CNOT7: variants seen among roughly 807,000 people sequenced by gnomAD.
The protein encoded by CNOT7 is BTG1-binding factor 1.
In CNOT7, 4 loss-of-function variants were observed where a neutral mutation model predicts 37.1. The ratio of observed to expected loss-of-function variants is 0.11; its 90% CI spans 0.05 to 0.25. The LOEUF (loss-of-function observed/expected upper bound fraction) is 0.25, where lower values mean the gene tolerates loss of function less well. Ranked by LOEUF, CNOT7 falls within the 10% of genes least tolerant of loss-of-function variation. CNOT7 has a pLI of 1.00. For missense variants in CNOT7, 170 were observed against 336.2 expected, an observed-to-expected ratio of 0.51 and a Z score of 3.87; for synonymous variants, 128 against 115.6, an observed-to-expected ratio of 1.11 and a Z score of -0.69.
rs755562076 is a variant in CNOT7 at position 17,234,735 on chromosome 8, T to C, written c.599A>G (p.Lys200Arg). ...CCTTACTTTGAGATTTTTGCAGCTC[T>C]TCATGAGGTACTTCACATCATAAAT... is the stretch of plus-strand genomic sequence containing the variant. ...PVIYDVKYLM[K>R]SCKNLKGGLQ... is the part of the protein sequence containing the mutation. The change falls in exon 5 of 7, where the codon AAG becomes AGG. Residue 200 changes from lysine (K) to arginine (R), a missense_variant. By Grantham distance (26) the Lys-to-Arg change is conservative. Coordinates refer to ENST00000361272, the MANE Select transcript of CNOT7 (RefSeq NM_013354.7). 6.2e-7 allele frequency: 1 copy of C among 1,614,002 alleles called. No homozygotes were observed. Among genetic ancestry groups the C allele is most frequent in the African/African-American group, 1.3e-5 (1 of 74,932 alleles).
chr8:17,233,324 C>G lies in CNOT7; in HGVS notation c.619-787G>C, dbSNP rs1305368401. Among the ~76,000 whole-genome samples, 7 of 152,330 alleles carry G rather than the reference C, an allele frequency of 4.6e-5. No individual in the cohort carries two copies. The South Asian group carries it at 1.5e-3, about 32-fold the overall frequency. On this transcript the variant is annotated intron_variant, in intron 5 of 6. Transcript: ENST00000361272. ...CCCTTCTGTGCATCACAGCTTGAAA[C>G]AAGGCTTTGCACAGCAGTTGCTTCT...
rs909217415 is a variant in CNOT7, at chr8:17,230,482, C to G, written c.*238G>C. 2.9e-5 allele frequency: 8 copies of G among 278,148 alleles called. No homozygotes were observed. Among genetic ancestry groups the G allele is most frequent in the African/African-American group, 1.8e-4 (8 of 45,426 alleles). The allele number at this position is 278,148 out of a possible 1,614,324, so 17.2% of individuals were successfully genotyped here. On this transcript the variant is annotated 3_prime_UTR_variant, in exon 7 of 7. Transcript: ENST00000361272. ...AGCTTTCCCCACTCTCTGTCACACA[C>G]GCTTGCTAACAAGTATATTAAATTA...
intron 6 of CNOT7, 102 bp downstream of exon 6, chr8:17,232,325 C>A: frequency 1.3e-6 from 2 of 1,588,570 alleles, no homozygotes; most frequent in South Asian, 2.3e-5. Context: ...CTAATTATAT[C>A]TTTACTTAGT....
rs1195647336 is a variant in CNOT7 at position 17,229,337 on chromosome 8, CTG to C, written c.*1381_*1382del. On this transcript the variant is annotated 3_prime_UTR_variant, in exon 7 of 7. Coordinates refer to ENST00000361272, the MANE Select transcript of CNOT7 (RefSeq NM_013354.7). ...TAAAAAGGACCACCCAGTTACAGCACTGTAATATCATGAATAAAGAATGTACA... is the reference window on the plus strand; with the variant it reads ...TAAAAAGGACCACCCAGTTACAGCACTAATATCATGAATAAAGAATGTACA... The C allele has an allele frequency of 6.6e-6, 1 of 152,234 alleles. No individual in the cohort carries two copies. The highest frequency in any genetic ancestry group is 2.4e-5 in the African/African-American group (1 of 41,396). The allele number at this position is 152,234 out of a possible 1,614,324, so 9.4% of individuals were successfully genotyped here. A position where few individuals can be genotyped will look rare whatever the true frequency, so the allele number is the denominator to read the frequency against.
At chr8:17,235,394 CTG>C (rs1809213439) in intron 4 of CNOT7, among the ~76,000 whole-genome samples, 1 of 152,154 alleles carries the variant, frequency 6.6e-6, no homozygotes, top group East Asian at 1.9e-4. Flanking sequence ...TCTTAAATGA[CTG>C]TGTTAAGTAG....
chr8:17,226,752 G>A lies in CNOT7; in HGVS notation c.*3968C>T, dbSNP rs983256551. ...ACAATCTTAAGTTTTAGTTTTTATT[G>A]AAATGAATTTACCATATTATGTTGT... On this transcript the variant is annotated 3_prime_UTR_variant, in exon 7 of 7. Transcript: ENST00000361272. 6 of 151,666 alleles carry A rather than the reference G, an allele frequency of 4.0e-5. No homozygotes were observed. The highest frequency in any genetic ancestry group is 7.4e-5 in the Non-Finnish European group (5 of 67,704). 9.4% of individuals were successfully genotyped at this position (151,666 alleles called of 1,614,324 possible).
intron 2 of CNOT7, 71 bp from the exon 3 acceptor site, chr8:17,243,256 G>A: frequency 8.1e-7 from 1 of 1,230,462 alleles, no homozygotes; most frequent in Non-Finnish European, 1.1e-6. Flanking sequence ...TTTAATTTTT[G>A]ATGCAAATCA....
chr8:17,230,426 C>A lies in CNOT7; in HGVS notation c.*294G>T, dbSNP rs1808469708. 1 of 188,736 alleles carries A rather than the reference C, an allele frequency of 5.3e-6. No homozygotes were observed. Among genetic ancestry groups the A allele is most frequent in the Non-Finnish European group, 1.1e-5 (1 of 92,014 alleles). The allele number at this position is 188,736 out of a possible 1,614,324, so 11.7% of individuals were successfully genotyped here. On this transcript the variant is annotated 3_prime_UTR_variant, in exon 7 of 7. Coordinates refer to ENST00000361272, the MANE Select transcript of CNOT7 (RefSeq NM_013354.7). The stretch of plus-strand genomic sequence containing the variant: ...AGGGAAAAATAAACCAAACTCAAGT[C>A]GGTAAAGTTTATCAAAATATTCAAT...
rs1027323715 is a variant in CNOT7 at position 17,234,260 on chromosome 8, C to G, written c.618+456G>C. ...ATCACTAGAACTGACAAAATAATTT[C>G]TAGCCAAGATAAGCCAAAAGGAAAG... On this transcript the variant is annotated intron_variant, in intron 5 of 6. Transcript: ENST00000361272. 5.3e-5 allele frequency among the ~76,000 whole-genome samples: 8 copies of G among 152,250 alleles called. No homozygotes were observed. In the South Asian group the frequency reaches 6.2e-4, roughly 12 times the overall value.
Position 17,237,214 on chromosome 8 carries a change from A to G in CNOT7, c.471T>C (p.His157=), listed in dbSNP as rs2150986013. The change falls in exon 4 of 7, where the codon CAT becomes CAC. Residue 157 remains histidine (H), a splice_region_variant and synonymous_variant. Coordinates refer to ENST00000361272, the MANE Select transcript of CNOT7 (RefSeq NM_013354.7). ...CATTTTCAATGTAGTCGTTTTACCT[A>G]TGAAATGACAACCATTTGACCCCTT... ...LCEGVKWLSF[H]SGYDFGYLIK... 6.2e-7 allele frequency: 1 copy of G among 1,613,654 alleles called. No individual in the cohort carries two copies. Among genetic ancestry groups the G allele is most frequent in the South Asian group, 1.1e-5 (1 of 91,066 alleles).
chr8:17,232,336 A>G, intron 6 of CNOT7, 91 bp downstream of exon 6: 1 of 1,603,298 alleles, frequency 6.2e-7, no homozygotes, highest in East Asian at 2.2e-5. Flanking sequence ...TTTACTTAGT[A>G]GGTACTTGTT....
rs551612649 is a variant in CNOT7, at chr8:17,245,291, C to A, written c.-95-44G>T. On this transcript the variant is annotated intron_variant, in intron 1 of 6. Coordinates refer to ENST00000361272, the MANE Select transcript of CNOT7 (RefSeq NM_013354.7). Reference sequence around the variant, plus strand: ...AATATGAAGACCAGATATATCAAATCTGAATCACAGAATAATTGATCCAGC... The same window carrying A: ...AATATGAAGACCAGATATATCAAATATGAATCACAGAATAATTGATCCAGC... 7 of 833,496 alleles carry A rather than the reference C, an allele frequency of 8.4e-6. No homozygotes were observed. The South Asian group carries it at 1.8e-4, about 22-fold the overall frequency. The allele number at this position is 833,496 out of a possible 1,614,324, so 51.6% of individuals were successfully genotyped here.
chr8:17,233,979 G>A (rs1190203201), intron 5 of CNOT7, among the ~76,000 whole-genome samples: 1 of 152,130 alleles, frequency 6.6e-6, no homozygotes, highest in African/African-American at 2.4e-5. Flanking sequence ...ACTTGAACCC[G>A]GGAGGCGGAG....
intron 5 of CNOT7, 114 bp downstream of exon 5, chr8:17,234,602 A>G (rs757550184): frequency 9.3e-7 from 1 of 1,073,154 alleles, no homozygotes; most frequent in Non-Finnish European, 1.4e-6. Flanking sequence ...ATATAATTGC[A>G]TTCACTGTAA....
intron 2 of CNOT7, 87 bp from the exon 3 acceptor site, chr8:17,243,272 T>C: frequency 1.0e-6 from 1 of 996,068 alleles, no homozygotes; most frequent in Non-Finnish European, 1.5e-6. Context: ...AATCAAAGAA[T>C]CCTACAGATG....
chr8:17,233,610 G>A (rs953175002), intron 5 of CNOT7, among the ~76,000 whole-genome samples: 2 of 152,010 alleles, frequency 1.3e-5, no homozygotes, highest in African/African-American at 4.8e-5. Context: ...TAAAAAAAAA[G>A]TCAGATGAAA....
At chr8:17,234,888 G>A in intron 4 of CNOT7, 28 bp from the exon 5 acceptor site, 2 of 1,604,546 alleles carry the variant, frequency 1.2e-6, no homozygotes. Flanking sequence ...GAATAGAGAA[G>A]AGGGACATAT....
At chr8:17,239,143 C>T (rs961952616) in intron 3 of CNOT7, among the ~76,000 whole-genome samples, 1 of 152,200 alleles carries the variant, frequency 6.6e-6, no homozygotes. Context: ...GCCTTGACCT[C>T]CCGGACTCAA....
chr8:17,246,183 A>G (rs1383899285), intron 1 of CNOT7: 2 of 152,226 alleles, frequency 1.3e-5, no homozygotes, highest in Admixed American at 6.6e-5. Context: ...CTCTCTCTCT[A>G]CTGCAGTCCC....
Sources: gnomAD v4.1 joint callset for allele counts (sites outside exome capture counted in the v4.1 genomes callset) on GRCh38, gnomAD v4.1.1 for gene constraint, MANE v1.5 for transcripts, NCBI Gene and HGNC (gene_info 2026-07-23, HGNC 2026-07-21) for gene names.